SARM1: variants seen among roughly 807,000 people sequenced by gnomAD.
SARM1 encodes the protein NAD(+) hydrolase SARM1.
Under a neutral mutation model 65.1 loss-of-function variants are expected in SARM1, and 60 were observed. That is an observed-to-expected ratio of 0.92 (90% CI 0.75 to 1.14). SARM1 has a LOEUF of 1.14. SARM1 is among the 50% of genes most tolerant of loss of function. The probability of loss-of-function intolerance (pLI) is 0.00; values close to 1 mark genes in which losing one functional copy is unlikely to be tolerated. For synonymous variants in SARM1, 417 were observed against 465.4 expected (o/e 0.90, Z 1.34); for missense variants, 913 against 1,015.7 (o/e 0.90, Z 1.37).
chr17:28,383,895 G>A (rs1224866537), intron 2 of SARM1, among the ~76,000 whole-genome samples: 2 of 152,194 alleles, frequency 1.3e-5, no homozygotes, highest in Non-Finnish European at 2.9e-5. Context: ...TGGAGTGGGA[G>A]GATTCCCATG....
chr17:28,396,192 A>G lies in SARM1; in HGVS notation c.2081A>G (p.Lys694Arg), dbSNP rs2068120584. The G allele has an allele frequency of 3.7e-6, 6 of 1,613,848 alleles. No individual in the cohort carries two copies. Among genetic ancestry groups the G allele is most frequent in the Non-Finnish European group, 5.1e-6 (6 of 1,179,870 alleles). ...GAATACCAGGAGGCCACCATTGAGAAGATCATCCGCTTCCTGCAGGGCCGC... is the reference window on the plus strand; with the variant it reads ...GAATACCAGGAGGCCACCATTGAGAGGATCATCCGCTTCCTGCAGGGCCGC... ...SHEYQEATIE[K>R]IIRFLQGRSS... The change falls in exon 9 of 9, where the codon AAG becomes AGG. Residue 694 changes from lysine (K) to arginine (R), a missense_variant. Lys to Arg is a conservative substitution (Grantham distance 26). This residue lies in a region of SARM1 where 862 missense variants were observed against 952.1 expected (regional missense o/e 0.91). Coordinates refer to ENST00000585482, the MANE Select transcript of SARM1 (RefSeq NM_015077.4).
intron 1 of SARM1, among the ~76,000 whole-genome samples, chr17:28,375,711 C>T (rs2067985180): frequency 6.6e-6 from 1 of 152,056 alleles, no homozygotes; most frequent in African/African-American, 2.4e-5. Flanking sequence ...TGGCTCATGC[C>T]TGTAATCTCA....
At chr17:28,380,476 C>T (rs1301758786) in intron 1 of SARM1, among the ~76,000 whole-genome samples, 6 of 152,240 alleles carry the variant, frequency 3.9e-5, no homozygotes, top group Non-Finnish European at 7.3e-5. Context: ...CCTATCACTA[C>T]GATCTGGTTC....
chr17:28,381,817 C>T lies in SARM1; in HGVS notation c.1085C>T (p.Thr362Ile). Reference sequence around the variant, plus strand: ...GCCATCAAGAGCCTGCAAGGCAAGACCAAGGTGGGTGCAGATGTGGGGTTG... The same window carrying T: ...GCCATCAAGAGCCTGCAAGGCAAGATCAAGGTGGGTGCAGATGTGGGGTTG... ...EAAIKSLQGKTKVFSDIGAIQ... is the reference protein window; with the variant it reads ...EAAIKSLQGKIKVFSDIGAIQ... The change falls in exon 2 of 9, where the codon ACC becomes ATC. Residue 362 changes from threonine to isoleucine, a missense_variant. Physicochemically the swap from Thr to Ile is moderately conservative, Grantham distance 89 (BLOSUM62 -1). Coordinates refer to ENST00000585482, the MANE Select transcript of SARM1 (RefSeq NM_015077.4). 2 of 1,445,324 alleles carry T rather than the reference C, an allele frequency of 1.4e-6. No homozygotes were observed. The highest frequency in any genetic ancestry group is 1.8e-6 in the Non-Finnish European group (2 of 1,098,576). The allele number at this position is 1,445,324 out of a possible 1,614,324, so 89.5% of individuals were successfully genotyped here. A position where few individuals can be genotyped will look rare whatever the true frequency, so the allele number is the denominator to read the frequency against.
In SARM1 at chr17:28,393,305, T is replaced by TTGG. The variant is rs200574188; in HGVS notation, c.1924-2599_1924-2597dup. Among the ~76,000 whole-genome samples, 159 of 152,170 alleles carry TTGG rather than the reference T, an allele frequency of 1.0e-3. 4 individuals carry two copies. The East Asian group carries it at 0.024, about 23-fold the overall frequency. On this transcript the variant is annotated intron_variant, in intron 7 of 8. Transcript: ENST00000585482. ...AGTGCAGGCCTGTGATCCCAACACT[T>TTGG]TGGGATGCTAAGGTGGGAGGATCAC...
intron 2 of SARM1, among the ~76,000 whole-genome samples, chr17:28,382,609 T>C (rs532358114): frequency 2.3e-4 from 35 of 152,352 alleles, no homozygotes; most frequent in African/African-American, 8.4e-4. Flanking sequence ...GCTTCCCCTC[T>C]CTAGGCCTCT....
intron 7 of SARM1, among the ~76,000 whole-genome samples, chr17:28,392,087 T>C (rs2142437426): frequency 6.6e-6 from 1 of 151,862 alleles, no homozygotes; most frequent in South Asian, 2.1e-4. Context: ...AACAAACCAT[T>C]ATCCCTTTCT....
chr17:28,383,678 G>A (rs923973636), intron 2 of SARM1, among the ~76,000 whole-genome samples: 4 of 152,198 alleles, frequency 2.6e-5, no homozygotes, highest in African/African-American at 4.8e-5. Flanking sequence ...GTCCTTCATC[G>A]TGCCAGATGC....
intron 7 of SARM1, 51 bp from the exon 8 acceptor site, chr17:28,395,854 G>A (rs2068114875): frequency 6.2e-7 from 1 of 1,605,376 alleles, no homozygotes; most frequent in South Asian, 1.1e-5. Flanking sequence ...TGGCTACAAG[G>A]GTCCCTAGAT....
At position 28,403,908 on chromosome 17, in the gene SARM1, A is replaced by C. The variant is rs2068224388; in HGVS notation, c.*7622A>C. 6.5e-6 allele frequency: 1 copy of C among 152,678 alleles called. No individual in the cohort carries two copies. Among genetic ancestry groups the C allele is most frequent in the Admixed American group, 6.5e-5 (1 of 15,298 alleles). 9.5% of individuals were successfully genotyped at this position (152,678 alleles called of 1,614,324 possible). A position where few individuals can be genotyped will look rare whatever the true frequency, so the allele number is the denominator to read the frequency against. ...GTGCACCAGTGGTCCCAGCTACTAG[A>C]GAGGCCAAGGTGGGAGGATCATCTG... On this transcript the variant is annotated 3_prime_UTR_variant, in exon 9 of 9. Transcript: ENST00000585482.
chr17:28,401,508 A>G lies in SARM1; in HGVS notation c.*5222A>G, dbSNP rs781866539. On this transcript the variant is annotated 3_prime_UTR_variant, in exon 9 of 9. Transcript: ENST00000585482. ...TTCCAGGACAGATGGAAAAAGATGA[A>G]TGTTTCCAGACTGGGGCATAAAGAC... The G allele has an allele frequency of 6.6e-6, 1 of 152,402 alleles. No homozygotes were observed. Among genetic ancestry groups the G allele is most frequent in the Non-Finnish European group, 1.5e-5 (1 of 68,198 alleles). 9.4% of individuals were successfully genotyped at this position (152,402 alleles called of 1,614,324 possible).
chr17:28,372,365 G>A lies in SARM1; in HGVS notation c.333G>A (p.Glu111=), dbSNP rs1000124505. The A allele has an allele frequency of 4.0e-6, 6 of 1,509,738 alleles. No homozygotes were observed. The Admixed American group carries it at 1.2e-4, about 31-fold the overall frequency. 93.5% of individuals were successfully genotyped at this position (1,509,738 alleles called of 1,614,324 possible). A position where few individuals can be genotyped will look rare whatever the true frequency, so the allele number is the denominator to read the frequency against. The change falls in exon 1 of 9, where the codon GAG becomes GAA. Residue 111 remains glutamate (E), a synonymous_variant. Transcript: ENST00000585482. This position sits in a 1 kb window ranked among gnomAD's most constrained non-coding sequence, Gnocchi z 5.2. ...EAWLLPAVGR[E]VAQGLCDAIR... is the part of the protein sequence containing the mutation. ...GGCTGCTGCCGGCCGTGGGCCGCGA[G>A]GTAGCCCAGGGTCTGTGCGACGCCA...
chr17:28,387,143 G>A (rs2068054546), intron 5 of SARM1, among the ~76,000 whole-genome samples: 1 of 152,172 alleles, frequency 6.6e-6, no homozygotes, highest in Admixed American at 6.5e-5. Context: ...TAAGTGGGAG[G>A]AATGACATGC....
Position 28,372,099 on chromosome 17 carries a change from C to G in SARM1, c.67C>G (p.Pro23Ala). ...CRFFAMSGPR[P>A]GAERLAVPGP... Reference sequence around the variant, plus strand: ...CTTCTTCGCCATGTCGGGCCCACGGCCGGGCGCCGAGCGGCTGGCGGTGCC... The same window carrying G: ...CTTCTTCGCCATGTCGGGCCCACGGGCGGGCGCCGAGCGGCTGGCGGTGCC... The change falls in exon 1 of 9, where the codon CCG becomes GCG. Residue 23 changes from proline to alanine, a missense_variant. Around this residue, in one of 3 missense-constraint regions of SARM1, gnomAD observed 39 missense variants for 32.0 expected, o/e 1.22. Coordinates refer to ENST00000585482, the MANE Select transcript of SARM1 (RefSeq NM_015077.4). This position sits in a 1 kb window ranked among gnomAD's most constrained non-coding sequence, Gnocchi z 5.2. 9.4e-6 allele frequency: 14 copies of G among 1,483,354 alleles called. No homozygotes were observed. Among genetic ancestry groups the G allele is most frequent in the Non-Finnish European group, 1.2e-5 (14 of 1,123,250 alleles). 91.9% of individuals were successfully genotyped at this position (1,483,354 alleles called of 1,614,324 possible).
In SARM1 at chr17:28,372,982, T is replaced by C; in HGVS notation, c.470+480T>C. The C allele has an allele frequency of 6.5e-6, 1 of 154,786 alleles. No homozygotes were observed. Among genetic ancestry groups the C allele is most frequent in the Non-Finnish European group, 1.4e-5 (1 of 69,624 alleles). The allele number at this position is 154,786 out of a possible 1,614,324, so 9.6% of individuals were successfully genotyped here. ...CCTCTCCTTTCCCTCCTCCCCAGGC[T>C]GTAAGGCGTGCTGGCCTGAGGCTGC... On this transcript the variant is annotated intron_variant, in intron 1 of 8. Transcript: ENST00000585482. This position sits in a 1 kb window ranked among gnomAD's most constrained non-coding sequence, Gnocchi z 5.2.
At chr17:28,392,795 C>T (rs545860708) in intron 7 of SARM1, among the ~76,000 whole-genome samples, 26 of 152,264 alleles carry the variant, frequency 1.7e-4, no homozygotes, top group African/African-American at 6.0e-4. Flanking sequence ...ATGCTTGGCA[C>T]CCCTTGTCGT....
In SARM1 at chr17:28,400,615, C is replaced by T. The variant is rs2142454446; in HGVS notation, c.*4329C>T. ...GGTTCAGGGCCCTGCATTACCCAAT[C>T]AGAACAGCCGGGATGAGCAGGAGGC... On this transcript the variant is annotated 3_prime_UTR_variant, in exon 9 of 9. Coordinates refer to ENST00000585482, the MANE Select transcript of SARM1 (RefSeq NM_015077.4). 1 of 1,613,678 alleles carries T rather than the reference C, an allele frequency of 6.2e-7. No homozygotes were observed. The highest frequency in any genetic ancestry group is 8.5e-7 in the Non-Finnish European group (1 of 1,179,772).
intron 1 of SARM1, among the ~76,000 whole-genome samples, chr17:28,374,483 G>A (rs2067978069): frequency 6.6e-6 from 1 of 152,054 alleles, no homozygotes; most frequent in Non-Finnish European, 1.5e-5. Flanking sequence ...GCTGCAGTGA[G>A]CTGAGAGCGC....
rs2239910 is a variant in SARM1 at position 28,396,647 on chromosome 17, C to A, written c.*361C>A. 0.34 allele frequency: 78,635 copies of A among 232,996 alleles called. 14,722 individuals carry two copies. The highest frequency in any genetic ancestry group is 0.41 in the Non-Finnish European group (48,147 of 118,554). The allele number at this position is 232,996 out of a possible 1,614,324, so 14.4% of individuals were successfully genotyped here. ...ATAGCAGTCAGCTTGAGGAGGATGA[C>A]GGAAGGCAGCCTCAGACAGGAATTA... On this transcript the variant is annotated 3_prime_UTR_variant, in exon 9 of 9. Coordinates refer to ENST00000585482, the MANE Select transcript of SARM1 (RefSeq NM_015077.4).
Sources: allele counts gnomAD v4.1 joint callset (sites outside exome capture counted in the v4.1 genomes callset), GRCh38; gene constraint gnomAD v4.1.1; regional missense constraint gnomAD v4.1.1; non-coding constraint Gnocchi (gnomAD v3.1); transcripts MANE v1.5; gene names NCBI Gene and HGNC (gene_info 2026-07-23, HGNC 2026-07-21).